The following ARHGAP12 variants were observed in gnomAD, a reference collection of about 807,000 sequenced individuals.
ARHGAP12 encodes rho GTPase-activating protein 12.
A neutral mutation model predicts 108.6 loss-of-function variants in ARHGAP12; 64 were observed. That is an observed-to-expected ratio of 0.59 (90% CI 0.48 to 0.73). The LOEUF (loss-of-function observed/expected upper bound fraction) is 0.73, where lower values mean the gene tolerates loss of function less well. Among genes scored for constraint, ARHGAP12 ranks in the 30% least tolerant of loss-of-function variants. The pLI is 0.00. For synonymous variants in ARHGAP12, 312 were observed against 337.2 expected (o/e 0.93, Z 0.82); for missense variants, 940 against 1,005.9 (o/e 0.93, Z 0.89).
In ARHGAP12 at chr10:31,838,351, C is replaced by T. The variant is rs144140553; in HGVS notation, c.1386+954G>A. 1.3e-3 allele frequency among the ~76,000 whole-genome samples: 196 copies of T among 152,188 alleles called. No individual in the cohort carries two copies. In the Middle Eastern group the frequency reaches 0.034, roughly 27 times the overall value. The stretch of plus-strand genomic sequence containing the variant: ...CACTCAGGAGCCAGAGCATGCACAG[C>T]CTTGTCATGCTCATTAAGAATTTTA... On this transcript the variant is annotated intron_variant, in intron 9 of 19. Transcript: ENST00000344936.
intron 15 of ARHGAP12, 107 bp downstream of exon 15, chr10:31,812,599 TA>T (rs2132144119): frequency 1.4e-6 from 1 of 714,548 alleles, no homozygotes; most frequent in African/African-American, 1.8e-5. Context: ...AATACATGAA[TA>T]AAGAATAATA....
intron 13 of ARHGAP12, among the ~76,000 whole-genome samples, chr10:31,815,120 CAAAA>C (rs57510581): frequency 8.9e-6 from 1 of 111,934 alleles, no homozygotes; most frequent in Admixed American, 9.0e-5. Context: ...GACTCTGTCT[CAAAA>C]AAAAAAAAAA....
At chr10:31,868,256 G>A (rs1401400901) in intron 3 of ARHGAP12, among the ~76,000 whole-genome samples, 6 of 151,086 alleles carry the variant, frequency 4.0e-5, no homozygotes, top group African/African-American at 1.2e-4. Flanking sequence ...AAAGTATAAG[G>A]GCAACTAAGA....
At chr10:31,875,977 CTTTCT>C (rs1447734646) in intron 3 of ARHGAP12, among the ~76,000 whole-genome samples, 2 of 152,274 alleles carry the variant, frequency 1.3e-5, no homozygotes, top group East Asian at 3.9e-4. Flanking sequence ...TCAGAATTTC[CTTTCT>C]TTTCAAGGCT....
chr10:31,891,910 G>A (rs564793302), intron 3 of ARHGAP12, among the ~76,000 whole-genome samples: 7 of 152,186 alleles, frequency 4.6e-5, no homozygotes, highest in Admixed American at 1.3e-4. Context: ...CATAGTTCTC[G>A]TGCCATGGTT....
At chr10:31,901,070 T>G (rs1564422532) in intron 3 of ARHGAP12, among the ~76,000 whole-genome samples, 1 of 151,190 alleles carries the variant, frequency 6.6e-6, no homozygotes, top group Non-Finnish European at 1.5e-5. Flanking sequence ...TACAAAAAAT[T>G]AGCTGGGCAC....
At chr10:31,870,960 T>C (rs904585015) in intron 3 of ARHGAP12, among the ~76,000 whole-genome samples, 8 of 152,194 alleles carry the variant, frequency 5.3e-5, no homozygotes, top group Non-Finnish European at 8.8e-5. Flanking sequence ...GGACAGTCCC[T>C]GTCCTTGAGG....
At chr10:31,871,214 C>T (rs868162086) in intron 3 of ARHGAP12, among the ~76,000 whole-genome samples, 2 of 152,112 alleles carry the variant, frequency 1.3e-5, no homozygotes, top group African/African-American at 2.4e-5. Context: ...TATTGTTCTT[C>T]GGATATAACA....
intron 11 of ARHGAP12, among the ~76,000 whole-genome samples, chr10:31,824,110 T>C (rs915154903): frequency 2.6e-5 from 4 of 152,166 alleles, no homozygotes; most frequent in African/African-American, 9.7e-5. Context: ...TACTTCCTTT[T>C]ACTTAGGCCA....
intron 3 of ARHGAP12, among the ~76,000 whole-genome samples, chr10:31,904,916 C>A (rs1254893639): frequency 6.6e-6 from 1 of 151,942 alleles, no homozygotes; most frequent in African/African-American, 2.4e-5. Context: ...GCATGTGCCA[C>A]CACACCCGGC....
At chr10:31,820,634 C>A (rs1835375523) in intron 11 of ARHGAP12, 146 bp from the exon 12 acceptor site, 2 of 427,016 alleles carry the variant, frequency 4.7e-6, no homozygotes, top group Admixed American at 4.4e-5. Flanking sequence ...GTAACAATTT[C>A]TACTTTAAAA....
At chr10:31,912,308 ATAGT>A (rs1839386420) in intron 1 of ARHGAP12, among the ~76,000 whole-genome samples, 1 of 152,196 alleles carries the variant, frequency 6.6e-6, no homozygotes, top group African/African-American at 2.4e-5. Context: ...CAGACATACT[ATAGT>A]TAGTTAGACA....
intron 1 of ARHGAP12, chr10:31,913,331 T>C (rs1839429932): frequency 6.5e-6 from 1 of 154,740 alleles, no homozygotes; most frequent in Non-Finnish European, 1.4e-5. Flanking sequence ...CAGGCAAAGA[T>C]AACCCTGGCC....
intron 10 of ARHGAP12, among the ~76,000 whole-genome samples, chr10:31,829,580 T>C (rs1049752460): frequency 2.0e-5 from 3 of 152,162 alleles, no homozygotes; most frequent in African/African-American, 4.8e-5. Context: ...AATACTTTTC[T>C]GACAGTACTG....
At chr10:31,808,485 C>A in intron 19 of ARHGAP12, 164 bp downstream of exon 19, 1 of 590,942 alleles carries the variant, frequency 1.7e-6, no homozygotes, top group Non-Finnish European at 3.0e-6. Flanking sequence ...ATCATTTACC[C>A]ATGACAGACT....
intron 14 of ARHGAP12, 53 bp from the exon 15 acceptor site, chr10:31,812,876 T>G (rs1409349275): frequency 2.9e-6 from 3 of 1,035,590 alleles, no homozygotes; most frequent in Non-Finnish European, 4.3e-6. Context: ...GTTTTTTTGA[T>G]ACAAGTTTTT....
rs1554783082 is a variant in ARHGAP12 at position 31,875,001 on chromosome 10, AAT to A, written c.685-13345_685-13344del. ...AAAAAAAAAAAAAAAAAAAAAAAAA[AAT>A]TTTCACACACATACTCATGTATCTG... On this transcript the variant is annotated intron_variant, in intron 3 of 19. Coordinates refer to ENST00000344936, the MANE Select transcript of ARHGAP12 (RefSeq NM_018287.7). Among the ~76,000 whole-genome samples, 88 of 146,958 alleles carry A rather than the reference AAT, an allele frequency of 6.0e-4. 3 individuals are homozygous for A. Among genetic ancestry groups the A allele is most frequent in the African/African-American group, 2.2e-3 (85 of 38,212 alleles).
intron 4 of ARHGAP12, 28 bp from the exon 5 acceptor site, chr10:31,854,234 T>C (rs938493550): frequency 8.9e-6 from 14 of 1,568,802 alleles, no homozygotes; most frequent in Non-Finnish European, 1.2e-5. Flanking sequence ...CATAAGGATT[T>C]TTCTTTTTTG....
intron 10 of ARHGAP12, among the ~76,000 whole-genome samples, chr10:31,831,182 T>C (rs754993420): frequency 2.0e-5 from 3 of 152,152 alleles, no homozygotes; most frequent in Non-Finnish European, 4.4e-5. Context: ...GGAAATAAAC[T>C]ATATAGTACA....
Sources: allele counts gnomAD v4.1 joint callset (sites outside exome capture counted in the v4.1 genomes callset), GRCh38; gene constraint gnomAD v4.1.1; transcripts MANE v1.5; gene names NCBI Gene and HGNC (gene_info 2026-07-23, HGNC 2026-07-21).